Variants in CXADR observed in about 807,000 individuals in gnomAD.
CXADR encodes coxsackievirus and adenovirus receptor.
Under a neutral mutation model 40.3 loss-of-function variants are expected in CXADR, and 20 were observed. The observed-to-expected ratio is 0.50, with a 90% CI of 0.35 to 0.72. The LOEUF is 0.72. Ranked by LOEUF, CXADR falls within the 30% of genes least tolerant of loss-of-function variation. The pLI is 0.01. For missense variants in CXADR, 332 were observed against 449.1 expected (o/e 0.74, Z 2.36); for synonymous variants, 150 against 161.3 (o/e 0.93, Z 0.53).
intron 7 of CXADR, among the ~76,000 whole-genome samples, chr21:17,587,333 G>A (rs1044642737): frequency 2.0e-5 from 3 of 152,050 alleles, no homozygotes; most frequent in African/African-American, 7.2e-5. Flanking sequence ...CACAATGGTT[G>A]AACTAGTTTA....
chr21:17,614,446 T>A, the CXADR span, among the ~76,000 whole-genome samples: 1 of 152,152 alleles, frequency 6.6e-6, no homozygotes, highest in Non-Finnish European at 1.5e-5. Context: ...TCAAAATGAC[T>A]TTTAAAAAAT....
intron 6 of CXADR, among the ~76,000 whole-genome samples, chr21:17,562,757 A>C (rs117667293): frequency 1.8e-4 from 28 of 152,352 alleles, no homozygotes; most frequent in Admixed American, 1.3e-3. Flanking sequence ...TAGCTTCTTC[A>C]TCAGCACTTT....
At chr21:17,524,899 AC>A (rs2060580066) in intron 1 of CXADR, among the ~76,000 whole-genome samples, 1 of 152,126 alleles carries the variant, frequency 6.6e-6, no homozygotes, top group East Asian at 1.9e-4. Context: ...ACAGAGTGAA[AC>A]CCTGTGTCCA....
At chr21:17,598,563 A>T, downstream of CXADR, 1 of 1,481,776 alleles carries the variant, frequency 6.7e-7, no homozygotes, top group East Asian at 2.3e-5. Context: ...ACTACCTGAA[A>T]GGTCCTGGCA....
chr21:17,573,527 C>T (rs2061296251), downstream of CXADR, among the ~76,000 whole-genome samples: 1 of 152,186 alleles, frequency 6.6e-6, no homozygotes, highest in Non-Finnish European at 1.5e-5. Context: ...TCAACTGCCT[C>T]TGCCTACCCC....
chr21:17,529,727 A>G (rs1041525577), intron 1 of CXADR, among the ~76,000 whole-genome samples: 1 of 152,220 alleles, frequency 6.6e-6, no homozygotes, highest in African/African-American at 2.4e-5. Context: ...GTATTCTAAA[A>G]TTTATTTTTA....
chr21:17,590,564 T>G (rs1200381730), intron 7 of CXADR, among the ~76,000 whole-genome samples: 1 of 152,052 alleles, frequency 6.6e-6, no homozygotes, highest in Admixed American at 6.6e-5. Context: ...TGTGACAACT[T>G]CGCAGTACGA....
At chr21:17,614,180 C>G in the CXADR span, 1 of 151,732 alleles carries the variant, frequency 6.6e-6, no homozygotes, top group East Asian at 1.9e-4. Context: ...ACCTTGGAGT[C>G]TTCTAGGAGG....
chr21:17,572,709 G>GT (rs934879284), downstream of CXADR, among the ~76,000 whole-genome samples: 16 of 151,706 alleles, frequency 1.1e-4, no homozygotes, highest in East Asian at 3.9e-4. Context: ...AACTAACGTT[G>GT]TTTTTTTTCC....
the CXADR span, among the ~76,000 whole-genome samples, chr21:17,635,308 T>C: frequency 6.6e-6 from 1 of 152,220 alleles, no homozygotes; most frequent in African/African-American, 2.4e-5. Context: ...GTGAAGATAG[T>C]CTTTGCTCTA....
chr21:17,561,639 A>C (rs1264360454), intron 6 of CXADR, among the ~76,000 whole-genome samples, 163 bp downstream of exon 6: 2 of 152,212 alleles, frequency 1.3e-5, no homozygotes, highest in Non-Finnish European at 2.9e-5. Context: ...TCTAACTGCA[A>C]GTGCAGAGCT....
chr21:17,518,520 C>T, intron 1 of CXADR: 1 of 943,858 alleles, frequency 1.1e-6, no homozygotes, highest in Non-Finnish European at 1.8e-6. Flanking sequence ...TTCCAAAAAC[C>T]ATGCCAGCTT....
At chr21:17,520,212 A>G (rs533045638) in intron 1 of CXADR, among the ~76,000 whole-genome samples, 2 of 152,288 alleles carry the variant, frequency 1.3e-5, no homozygotes, top group South Asian at 4.1e-4. Flanking sequence ...AGGTGCCCCT[A>G]CAATAGAACA....
intron 1 of CXADR, among the ~76,000 whole-genome samples, chr21:17,531,430 T>A (rs1048702468): frequency 5.9e-5 from 9 of 152,204 alleles, no homozygotes; most frequent in African/African-American, 2.2e-4. Flanking sequence ...TTTCTTTTCT[T>A]ATTCTTTTTG....
chr21:17,570,211 C>G (rs2061266481), downstream of CXADR: 1 of 981,530 alleles, frequency 1.0e-6, no homozygotes, highest in African/African-American at 1.8e-5. Flanking sequence ...CCCCGTGTAT[C>G]CTCTAAACAG....
rs1330179771 is a variant in CXADR at position 17,569,047 on chromosome 21, C to CAAGT, written c.*3358_*3361dup. On this transcript the variant is annotated 3_prime_UTR_variant, in exon 7 of 7. Transcript: ENST00000284878. ...TGGAAATTTGGAACAAGTAAAGGGG[C>CAAGT]AAGTAAACCTTTTGATGAAATATAA... The CAAGT allele has an allele frequency of 2.4e-5, 24 of 985,304 alleles. No individual in the cohort carries two copies. In the Admixed American group the frequency reaches 2.5e-4, roughly 10 times the overall value. 61.0% of individuals were successfully genotyped at this position (985,304 alleles called of 1,614,324 possible). A position where few individuals can be genotyped will look rare whatever the true frequency, so the allele number is the denominator to read the frequency against.
At position 17,559,668 on chromosome 21, in the gene CXADR, G is replaced by GT. The variant is rs1491548660; in HGVS notation, c.571+537_571+538insT. 6.1e-3 allele frequency among the ~76,000 whole-genome samples: 647 copies of GT among 106,148 alleles called. 32 individuals carry two copies. The highest frequency in any genetic ancestry group is 6.8e-3 in the Non-Finnish European group (368 of 54,098). The allele number at this position is 106,148 out of a possible 152,430, so 69.6% of individuals were successfully genotyped here. On this transcript the variant is annotated intron_variant, in intron 4 of 6. Coordinates refer to ENST00000284878, the MANE Select transcript of CXADR (RefSeq NM_001338.5). Reference sequence around the variant, plus strand: ...TTAGTTACTTTGGTACTTTTTTTTGGGTTTTTTTTTTTTTTTTTTTTTTCC... The same window carrying GT: ...TTAGTTACTTTGGTACTTTTTTTTGGTGTTTTTTTTTTTTTTTTTTTTTTCC...
At chr21:17,605,942 T>C in the CXADR span, among the ~76,000 whole-genome samples, 1 of 152,194 alleles carries the variant, frequency 6.6e-6, no homozygotes, top group African/African-American at 2.4e-5. Flanking sequence ...AGTTAATTGA[T>C]GAATAGTAAT....
chr21:17,570,357 A>G (rs2061268054), downstream of CXADR, among the ~76,000 whole-genome samples: 1 of 152,182 alleles, frequency 6.6e-6, no homozygotes, highest in African/African-American at 2.4e-5. Context: ...ACGTTCTGTG[A>G]TCATTTCAGA....
Sources: allele counts gnomAD v4.1 joint callset (sites outside exome capture counted in the v4.1 genomes callset), GRCh38; gene constraint gnomAD v4.1.1; transcripts MANE v1.5; gene names NCBI Gene and HGNC (gene_info 2026-07-23, HGNC 2026-07-21).